The following RBL1 variants were observed in gnomAD, a reference collection of about 807,000 sequenced individuals.
The protein encoded by RBL1 is retinoblastoma-like protein 1.
In RBL1, 82 loss-of-function variants were observed where a neutral mutation model predicts 123.0. The ratio of observed to expected loss-of-function variants is 0.67; its 90% CI spans 0.56 to 0.80. RBL1 has a LOEUF of 0.80. Among genes scored for constraint, RBL1 ranks in the 30% least tolerant of loss-of-function variants. RBL1 has a pLI of 0.00. For missense variants in RBL1, 1,171 were observed against 1,299.6 expected (o/e 0.90, Z 1.52); for synonymous variants, 405 against 441.3 (o/e 0.92, Z 1.03).
intron 19 of RBL1, among the ~76,000 whole-genome samples, chr20:37,015,656 T>A (rs2064238333): frequency 2.0e-5 from 3 of 152,148 alleles, no homozygotes. Flanking sequence ...GGTCTGGATC[T>A]CCTGACCTCA....
chr20:37,079,739 C>T (rs941292256), intron 2 of RBL1, among the ~76,000 whole-genome samples: 8 of 152,274 alleles, frequency 5.3e-5, no homozygotes, highest in East Asian at 1.9e-4. Flanking sequence ...CCTCCCACCT[C>T]GGCTTCCCAA....
intron 19 of RBL1, among the ~76,000 whole-genome samples, chr20:37,012,842 C>T (rs2064183561): frequency 6.6e-6 from 1 of 150,472 alleles, no homozygotes; most frequent in Non-Finnish European, 1.5e-5. Context: ...TGAGGGGCGC[C>T]TCTGCCTGGC....
At chr20:37,007,740 G>A (rs1474048839) in intron 19 of RBL1, among the ~76,000 whole-genome samples, 181 bp from the exon 20 acceptor site, 3 of 152,030 alleles carry the variant, frequency 2.0e-5, no homozygotes, top group Non-Finnish European at 2.9e-5. Flanking sequence ...CCACAGGCAC[G>A]TGCCACCATG....
intron 11 of RBL1, chr20:37,049,578 A>G: frequency 1.3e-6 from 1 of 756,254 alleles, no homozygotes; most frequent in Non-Finnish European, 2.4e-6. Context: ...AGAACGGCAA[A>G]ATTAGTTGCT....
chr20:37,058,144 A>AAAAAAAAAAAAAAAAAC (rs2065042716), intron 9 of RBL1, among the ~76,000 whole-genome samples: 1 of 125,104 alleles, frequency 8.0e-6, no homozygotes, highest in South Asian at 2.3e-4. Flanking sequence ...ACAAAACAAA[A>AAAAAAAAAAAAAAAAAC]AAAAAAAAGC....
At chr20:37,061,970 T>C (rs2146295110) in intron 8 of RBL1, 114 bp downstream of exon 8, 4 of 1,205,870 alleles carry the variant, frequency 3.3e-6, no homozygotes, top group African/African-American at 1.5e-5. Flanking sequence ...ATGAGAAATA[T>C]GAATTAGTAG....
chr20:37,032,871 C>T lies in RBL1; in HGVS notation c.2176G>A (p.Ala726Thr), dbSNP rs770462344. The change falls in exon 16 of 22, where the codon GCA (alanine) becomes ACA (threonine). Residue 726 changes from alanine (A) to threonine (T), a missense_variant. By Grantham distance (58) the Ala-to-Thr change is moderately conservative (BLOSUM62 0). Transcript: ENST00000373664. ...HKVTIPLHGV[A>T]NDAGEITLIP... is the part of the protein sequence containing the mutation. ...AGTGTGATCTCTCCAGCATCATTTG[C>T]GACACCTGAATGTATAAGCATTATT... The T allele has an allele frequency of 1.1e-5, 18 of 1,613,594 alleles. No individual in the cohort carries two copies. Among genetic ancestry groups the T allele is most frequent in the East Asian group, 4.5e-5 (2 of 44,840 alleles).
intron 2 of RBL1, among the ~76,000 whole-genome samples, chr20:37,069,807 G>GC (rs1277193018): frequency 6.6e-6 from 1 of 151,408 alleles, no homozygotes; most frequent in African/African-American, 2.4e-5. Context: ...GGGGGGGTCA[G>GC]CCCCCTGCCA....
chr20:37,069,635 C>A (rs1248020876), intron 2 of RBL1, among the ~76,000 whole-genome samples: 2 of 149,916 alleles, frequency 1.3e-5, no homozygotes, highest in African/African-American at 4.9e-5. Flanking sequence ...GGAGCCCCTC[C>A]GCCCGGCAGC....
intron 7 of RBL1, among the ~76,000 whole-genome samples, chr20:37,063,216 T>G (rs948490734): frequency 2.0e-5 from 3 of 152,172 alleles, no homozygotes; most frequent in Admixed American, 1.3e-4. Flanking sequence ...TAGCCGGGAC[T>G]ACAGGCTTGT....
Position 37,044,186 on chromosome 20 carries a change from C to G in RBL1, c.1670G>C (p.Ser557Thr). 4 of 1,613,942 alleles carry G rather than the reference C, an allele frequency of 2.5e-6. No homozygotes were observed. The South Asian group carries it at 3.3e-5, about 13-fold the overall frequency. The change falls in exon 13 of 22, where the codon AGC (serine) becomes ACC (threonine). Residue 557 changes from serine to threonine, a missense_variant. Coordinates refer to ENST00000373664, the MANE Select transcript of RBL1 (RefSeq NM_002895.5). Reference protein sequence around the residue: ...LSRDMVKHLNSIEEQILESLA... With the variant: ...LSRDMVKHLNTIEEQILESLA... ...ACTCTCCAAAATCTGTTCTTCAATG[C>G]TGTTTAGGTGTTTCACCATGTCCCT... is the stretch of plus-strand genomic sequence containing the variant.
intron 20 of RBL1, 151 bp from the exon 21 acceptor site, chr20:37,004,017 CTTCTT>C: frequency 2.1e-6 from 1 of 480,320 alleles, no homozygotes. Context: ...TCCTTTACTT[CTTCTT>C]TTTTTTTTTT....
At chr20:37,028,519 A>G (rs920060710) in intron 16 of RBL1, among the ~76,000 whole-genome samples, 2 of 152,052 alleles carry the variant, frequency 1.3e-5, no homozygotes, top group Admixed American at 6.6e-5. Flanking sequence ...ACAGAGCAAG[A>G]CCTTGTCTCT....
chr20:37,077,659 C>T (rs2065385908), intron 2 of RBL1, among the ~76,000 whole-genome samples: 2 of 151,952 alleles, frequency 1.3e-5, no homozygotes, highest in Admixed American at 1.3e-4. Context: ...CTATATATAG[C>T]TTGTTGGCTC....
rs773571321 is a variant in RBL1 at position 37,022,691 on chromosome 20, A to G, written c.2518T>C (p.Leu840=). Residue 840 remains leucine, a synonymous_variant, in exon 17 of 22, where the codon TTG becomes CTG. Coordinates refer to ENST00000373664, the MANE Select transcript of RBL1 (RefSeq NM_002895.5). ...AAGGCACAAAGGAGGAGCTGATCCA[A>G]ATGCCTGTCTTTCATTAGATCAGGA... ...HCPDLMKDRH[L]DQLLLCAFYI... 3.7e-6 allele frequency: 6 copies of G among 1,613,156 alleles called. No homozygotes were observed. In the East Asian group the frequency reaches 1.3e-4, roughly 36 times the overall value.
intron 13 of RBL1, among the ~76,000 whole-genome samples, chr20:37,043,001 A>G (rs2064756498): frequency 6.6e-6 from 1 of 151,772 alleles, no homozygotes; most frequent in Non-Finnish European, 1.5e-5. Context: ...ATACAATGGA[A>G]TATTACTTAG....
At chr20:37,050,360 G>A (rs2064888308) in intron 11 of RBL1, among the ~76,000 whole-genome samples, 1 of 151,120 alleles carries the variant, frequency 6.6e-6, no homozygotes, top group Admixed American at 6.6e-5. Context: ...TGGCTAACAT[G>A]GGTGAAACCC....
chr20:37,057,718 G>A (rs2065031312), intron 9 of RBL1, among the ~76,000 whole-genome samples: 1 of 152,116 alleles, frequency 6.6e-6, no homozygotes. Context: ...ACCGGGCATG[G>A]TGGCTCACAT....
At chr20:37,002,889 A>ATT (rs1226017468) in intron 21 of RBL1, among the ~76,000 whole-genome samples, 1 of 149,944 alleles carries the variant, frequency 6.7e-6, no homozygotes, top group Non-Finnish European at 1.5e-5. Flanking sequence ...TGCCTGGCTA[A>ATT]TTTTTTGTAT....
Sources: allele counts gnomAD v4.1 joint callset (sites outside exome capture counted in the v4.1 genomes callset), GRCh38; gene constraint gnomAD v4.1.1; transcripts MANE v1.5; gene names NCBI Gene and HGNC (gene_info 2026-07-23, HGNC 2026-07-21).